CSMD1: variants seen among roughly 807,000 people sequenced by gnomAD.
CSMD1 encodes the protein CUB and Sushi multiple domains 1, also known as CUB and sushi domain-containing protein 1.
A neutral mutation model predicts 417.5 loss-of-function variants in CSMD1; 213 were observed. The observed-to-expected ratio is 0.51, with a 90% CI of 0.46 to 0.57. The LOEUF (loss-of-function observed/expected upper bound fraction) is 0.57, where lower values mean the gene tolerates loss of function less well. CSMD1 is among the 20% of genes least tolerant of loss of function. CSMD1 has a pLI of 0.00. For synonymous variants in CSMD1, 2,862 were observed against 1,736.8 expected (o/e 1.65, Z -16.11); for missense variants, 6,923 against 4,529.7 (o/e 1.53, Z -15.17).
chr8:4,506,785 G>A (rs943972067), intron 2 of CSMD1, among the ~76,000 whole-genome samples: 3 of 152,126 alleles, frequency 2.0e-5, no homozygotes, highest in Non-Finnish European at 2.9e-5. Context: ...TTTCCTGAAA[G>A]AGCCACCTCT....
chr8:3,124,069 T>C (rs1817360439), intron 41 of CSMD1, among the ~76,000 whole-genome samples: 1 of 152,196 alleles, frequency 6.6e-6, no homozygotes, highest in Non-Finnish European at 1.5e-5. Flanking sequence ...CGGGCTACTC[T>C]AATCACTGAA....
At chr8:3,532,514 G>A (rs1300263199) in intron 10 of CSMD1, among the ~76,000 whole-genome samples, 2 of 152,064 alleles carry the variant, frequency 1.3e-5, no homozygotes, top group Non-Finnish European at 2.9e-5. Flanking sequence ...CTTCCCCTCA[G>A]ATGATCAGGA....
At chr8:3,482,931 G>C (rs1356866436) in intron 11 of CSMD1, among the ~76,000 whole-genome samples, 2 of 152,008 alleles carry the variant, frequency 1.3e-5, no homozygotes, top group African/African-American at 4.8e-5. Flanking sequence ...ATAGAATGAA[G>C]TTAAAATAAA....
chr8:4,871,324 T>C (rs889196249), intron 1 of CSMD1, among the ~76,000 whole-genome samples: 1 of 152,144 alleles, frequency 6.6e-6, no homozygotes, highest in Non-Finnish European at 1.5e-5. Flanking sequence ...CGGATTTAGA[T>C]TTTCTGATGC....
intron 1 of CSMD1, among the ~76,000 whole-genome samples, chr8:4,664,326 G>T (rs548445876): frequency 3.9e-5 from 6 of 152,320 alleles, no homozygotes; most frequent in African/African-American, 1.4e-4. Flanking sequence ...GTGGAAGGCT[G>T]AGGCGGGCGG....
chr8:4,658,179 T>C (rs1219658974), intron 1 of CSMD1, among the ~76,000 whole-genome samples: 1 of 151,938 alleles, frequency 6.6e-6, no homozygotes, highest in Non-Finnish European at 1.5e-5. Flanking sequence ...GCAGCAGAAA[T>C]AATGTTTGAA....
intron 54 of CSMD1, among the ~76,000 whole-genome samples, chr8:2,981,288 T>A (rs889135752): frequency 2.0e-5 from 3 of 152,228 alleles, no homozygotes; most frequent in South Asian, 2.1e-4. Context: ...TCATTTTCTA[T>A]GTGAACAATT....
intron 1 of CSMD1, among the ~76,000 whole-genome samples, chr8:4,763,847 T>A (rs1812275802): frequency 6.6e-6 from 1 of 152,176 alleles, no homozygotes; most frequent in African/African-American, 2.4e-5. Flanking sequence ...ATTTGAAATA[T>A]TTTCCTGAAC....
chr8:3,453,629 A>G (rs1028271667), intron 12 of CSMD1, among the ~76,000 whole-genome samples: 1 of 152,116 alleles, frequency 6.6e-6, no homozygotes, highest in South Asian at 2.1e-4. Flanking sequence ...GTTTTGAGAG[A>G]CTTTCTTAAT....
chr8:4,505,918 C>G (rs1393586382), intron 2 of CSMD1, among the ~76,000 whole-genome samples: 1 of 152,066 alleles, frequency 6.6e-6, no homozygotes, highest in Non-Finnish European at 1.5e-5. Flanking sequence ...CATGCCTCAG[C>G]CTCCTGAGTA....
chr8:3,308,125 G>C (rs892850461), intron 24 of CSMD1, among the ~76,000 whole-genome samples, 187 bp downstream of exon 24: 1 of 151,926 alleles, frequency 6.6e-6, no homozygotes, highest in African/African-American at 2.4e-5. Flanking sequence ...CAGAATACTA[G>C]AAAAACTGTC....
intron 50 of CSMD1, among the ~76,000 whole-genome samples, chr8:3,041,420 C>T (rs1436902526): frequency 2.6e-5 from 4 of 152,054 alleles, no homozygotes; most frequent in South Asian, 4.1e-4. Context: ...CTTGAAAAGG[C>T]GCTAACATGA....
chr8:3,505,471 G>C (rs762764722), intron 10 of CSMD1, among the ~76,000 whole-genome samples: 5 of 152,154 alleles, frequency 3.3e-5, no homozygotes, highest in African/African-American at 7.2e-5. Flanking sequence ...ACTGATTAAA[G>C]AGTTGAGAAG....
intron 3 of CSMD1, among the ~76,000 whole-genome samples, chr8:4,332,810 A>G (rs1799951194): frequency 6.6e-6 from 1 of 152,110 alleles, no homozygotes; most frequent in Non-Finnish European, 1.5e-5. Context: ...AGACAGGAGA[A>G]GTTTTCAGGG....
rs191095192 is a variant in CSMD1, at chr8:4,239,297, G to C, written c.415+180656C>G. ...TCTGTTGCATCAACTTCTTCTTTTT[G>C]TGTGGGCAACACCAGTGCTAAGGAG... is the stretch of plus-strand genomic sequence containing the variant. On this transcript the variant is annotated intron_variant, in intron 3 of 69. Transcript: ENST00000635120. Among the ~76,000 whole-genome samples the C allele has an allele frequency of 6.9e-4, 105 of 152,292 alleles. 1 individual carries two copies. The highest frequency in any genetic ancestry group is 1.3e-3 in the Non-Finnish European group (86 of 68,032).
chr8:3,270,606 C>G (rs1293145460), intron 26 of CSMD1, among the ~76,000 whole-genome samples: 1 of 152,114 alleles, frequency 6.6e-6, no homozygotes, highest in Non-Finnish European at 1.5e-5. Flanking sequence ...AGATGCAGCC[C>G]TTTTATTATA....
chr8:3,593,467 C>T (rs1027810195), intron 8 of CSMD1, among the ~76,000 whole-genome samples: 4 of 152,238 alleles, frequency 2.6e-5, no homozygotes, highest in African/African-American at 4.8e-5. Context: ...GTGGCACAGG[C>T]GGGATGGAGG....
chr8:4,180,699 T>C (rs1584970694), intron 3 of CSMD1, among the ~76,000 whole-genome samples: 1 of 152,162 alleles, frequency 6.6e-6, no homozygotes, highest in Non-Finnish European at 1.5e-5. Context: ...AGCTCACTGG[T>C]TGTCATGGAA....
chr8:4,516,620 G>T (rs182509700), intron 2 of CSMD1, among the ~76,000 whole-genome samples: 3 of 152,024 alleles, frequency 2.0e-5, no homozygotes, highest in Non-Finnish European at 2.9e-5. Context: ...TGCAAGCATC[G>T]CCTGATAAAA....
Sources: gnomAD v4.1 joint callset for allele counts (sites outside exome capture counted in the v4.1 genomes callset) on GRCh38, gnomAD v4.1.1 for gene constraint, MANE v1.5 for transcripts, NCBI Gene and HGNC (gene_info 2026-07-23, HGNC 2026-07-21) for gene names.